Variants in CHD6 observed in about 807,000 individuals in gnomAD.
CHD6 encodes the protein ATP-dependent chromatin remodeler CHD6.
In CHD6, 50 loss-of-function variants were observed where a neutral mutation model predicts 276.9. That is an observed-to-expected ratio of 0.18 (90% CI 0.14 to 0.23). The LOEUF (loss-of-function observed/expected upper bound fraction) is 0.23, where lower values mean the gene tolerates loss of function less well. Ranked by LOEUF, CHD6 falls within the 10% of genes least tolerant of loss-of-function variation. CHD6 has a pLI of 1.00. For synonymous variants in CHD6, 1,173 were observed against 1,229.3 expected, an observed-to-expected ratio of 0.95 and a Z score of 0.96; for missense variants, 2,564 against 3,365.8, an observed-to-expected ratio of 0.76 and a Z score of 5.89.
intron 1 of CHD6, among the ~76,000 whole-genome samples, chr20:41,610,801 T>G (rs1336676818): frequency 6.8e-6 from 1 of 146,392 alleles, no homozygotes; most frequent in East Asian, 1.9e-4. Flanking sequence ...ATAAATAAAG[T>G]TAATTGATAG....
Position 41,541,896 on chromosome 20 carries a change from G to A in CHD6, c.34-8326C>T, listed in dbSNP as rs1200288994. ...CGGGGACAGGAGATACTTTTATGAT[G>A]TTTCAAGAGTCTTAGAAATTTGAAA... On this transcript the variant is annotated intron_variant, in intron 2 of 36. Transcript: ENST00000373233. Among the ~76,000 whole-genome samples the A allele has an allele frequency of 3.3e-5, 5 of 152,146 alleles. No individual in the cohort carries two copies. The East Asian group carries it at 7.7e-4, about 23-fold the overall frequency.
Position 41,556,122 on chromosome 20 carries a change from C to T in CHD6, c.-23-4762G>A, listed in dbSNP as rs1229907611. Among the ~76,000 whole-genome samples, 6 of 152,272 alleles carry T rather than the reference C, an allele frequency of 3.9e-5. No homozygotes were observed. In the South Asian group the frequency reaches 6.2e-4, roughly 16 times the overall value. On this transcript the variant is annotated intron_variant, in intron 1 of 36. Transcript: ENST00000373233. Reference sequence around the variant, plus strand: ...CGAAAACCAGTCAGGCGTGGCGGCGCGCACCTGCAATCGCAGGCACTCGGC... The same window carrying T: ...CGAAAACCAGTCAGGCGTGGCGGCGTGCACCTGCAATCGCAGGCACTCGGC...
At chr20:41,538,676 C>T (rs539094188) in intron 2 of CHD6, among the ~76,000 whole-genome samples, 2 of 152,268 alleles carry the variant, frequency 1.3e-5, no homozygotes, top group South Asian at 4.1e-4. Context: ...CTAGGACATA[C>T]CAAAATTGGT....
intron 16 of CHD6, among the ~76,000 whole-genome samples, chr20:41,481,845 T>G (rs1163632757): frequency 1.3e-5 from 2 of 151,746 alleles, no homozygotes; most frequent in Non-Finnish European, 2.9e-5. Context: ...TCATAATATA[T>G]TAAATAAAAA....
At chr20:41,552,151 C>G (rs953371495) in intron 1 of CHD6, among the ~76,000 whole-genome samples, 1 of 152,204 alleles carries the variant, frequency 6.6e-6, no homozygotes, top group Non-Finnish European at 1.5e-5. Context: ...GTACTACTGC[C>G]TCAGATCTGA....
chr20:41,541,133 G>A (rs2044934057), intron 2 of CHD6, among the ~76,000 whole-genome samples: 1 of 152,010 alleles, frequency 6.6e-6, no homozygotes, highest in Admixed American at 6.6e-5. Context: ...TAGCAAGACT[G>A]ACCAGAGTGG....
rs570387442 is a variant in CHD6, at chr20:41,453,230, C to A, written c.3121-288G>T. Among the ~76,000 whole-genome samples the A allele has an allele frequency of 1.1e-4, 17 of 152,260 alleles. No individual in the cohort carries two copies. The East Asian group carries it at 1.5e-3, about 14-fold the overall frequency. On this transcript the variant is annotated intron_variant, in intron 20 of 36. Transcript: ENST00000373233. ...GGGGTGTGGGCAGGCAAGGCCCCCC[C>A]CCAGTGACCAAAGTGGTGTCGGCTC...
At position 41,463,082 on chromosome 20, in the gene CHD6, G is replaced by A. The variant is rs181878113; in HGVS notation, c.2665-5654C>T. The stretch of plus-strand genomic sequence containing the variant: ...CATATGAGAATAACACTTAAAGCTC[G>A]AAGAGACTCCCACTGGCTAAGTCTA... On this transcript the variant is annotated intron_variant, in intron 17 of 36. Transcript: ENST00000373233. Among the ~76,000 whole-genome samples the A allele has an allele frequency of 1.0e-3, 152 of 152,258 alleles. No homozygotes were observed. The Middle Eastern group carries it at 0.014, about 14-fold the overall frequency.
rs1478187175 is a variant in CHD6, at chr20:41,403,022, CTTT to C, written c.*1568_*1570del. 1 of 211,814 alleles carries C rather than the reference CTTT, an allele frequency of 4.7e-6. No homozygotes were observed. 13.1% of individuals were successfully genotyped at this position (211,814 alleles called of 1,614,324 possible). On this transcript the variant is annotated 3_prime_UTR_variant, in exon 37 of 37. Coordinates refer to ENST00000373233, the MANE Select transcript of CHD6 (RefSeq NM_032221.5). ...TTTTCAGTCATGATTTAACAGACTT[CTTT>C]GAGATGCTCATTTTAACATTTACAT...
At chr20:41,497,109 G>A (rs1434234365) in intron 8 of CHD6, 3 of 352,254 alleles carry the variant, frequency 8.5e-6, no homozygotes, top group Non-Finnish European at 1.6e-5. Context: ...AAAGAATTGT[G>A]TGCGTATTCC....
Position 41,447,986 on chromosome 20 carries a change from C to T in CHD6, c.3684-15G>A. The T allele has an allele frequency of 1.3e-6, 2 of 1,517,290 alleles. No individual in the cohort carries two copies. The highest frequency in any genetic ancestry group is 1.8e-6 in the Non-Finnish European group (2 of 1,101,044). The allele number at this position is 1,517,290 out of a possible 1,614,324, so 94.0% of individuals were successfully genotyped here. A position where few individuals can be genotyped will look rare whatever the true frequency, so the allele number is the denominator to read the frequency against. ...GCAAAAGTACTCTATGAAAGGTGAA[C>T]ACATTAATGCAAACAAATTAGAACC... On this transcript the variant is annotated splice_polypyrimidine_tract_variant and intron_variant, in intron 23 of 36. Coordinates refer to ENST00000373233, the MANE Select transcript of CHD6 (RefSeq NM_032221.5).
At chr20:41,524,726 C>T (rs1007177332) in intron 3 of CHD6, among the ~76,000 whole-genome samples, 1 of 152,308 alleles carries the variant, frequency 6.6e-6, no homozygotes, top group East Asian at 1.9e-4. Flanking sequence ...ATTCAGATCT[C>T]ATATACCTCC....
chr20:41,598,084 T>C (rs2045737051), intron 1 of CHD6, among the ~76,000 whole-genome samples: 1 of 152,156 alleles, frequency 6.6e-6, no homozygotes, highest in Non-Finnish European at 1.5e-5. Flanking sequence ...ACTATACAAT[T>C]GTTTCACTAA....
rs2048284356 is a variant in CHD6, at chr20:41,452,997, C to T, written c.3121-55G>A. 1 of 1,395,004 alleles carries T rather than the reference C, an allele frequency of 7.2e-7. No individual in the cohort carries two copies. The highest frequency in any genetic ancestry group is 1.7e-5 in the Admixed American group (1 of 58,386). 86.4% of individuals were successfully genotyped at this position (1,395,004 alleles called of 1,614,324 possible). A position where few individuals can be genotyped will look rare whatever the true frequency, so the allele number is the denominator to read the frequency against. ...AGTCCTCTTTTCTCTACTCCTTTCA[C>T]AAAGCATAAGTGTATCCTCAGGACA... On this transcript the variant is annotated intron_variant, in intron 20 of 36. Coordinates refer to ENST00000373233, the MANE Select transcript of CHD6 (RefSeq NM_032221.5). The surrounding 1 kb of genome is among the most constrained non-coding windows in gnomAD (Gnocchi z 4.2).
chr20:41,591,227 G>A (rs1158586596), intron 1 of CHD6, among the ~76,000 whole-genome samples: 2 of 111,278 alleles, frequency 1.8e-5, no homozygotes, highest in African/African-American at 6.8e-5. Flanking sequence ...GGGGGGAGGG[G>A]GGAGGGATAG....
chr20:41,556,182 A>G (rs2045232571), intron 1 of CHD6, among the ~76,000 whole-genome samples: 1 of 152,142 alleles, frequency 6.6e-6, no homozygotes, highest in African/African-American at 2.4e-5. Flanking sequence ...GGGAGGTTGC[A>G]GTGAGCCGAG....
intron 26 of CHD6, among the ~76,000 whole-genome samples, chr20:41,438,529 G>A (rs574465453): frequency 6.6e-6 from 1 of 152,184 alleles, no homozygotes; most frequent in Non-Finnish European, 1.5e-5. Context: ...GGTGGAGGCT[G>A]CAATGAGCCG....
intron 17 of CHD6, among the ~76,000 whole-genome samples, chr20:41,467,974 G>C (rs2042966272): frequency 6.6e-6 from 1 of 152,016 alleles, no homozygotes; most frequent in Non-Finnish European, 1.5e-5. Flanking sequence ...CATACTCTTT[G>C]TTTTGTCTGG....
In CHD6 at chr20:41,513,410, T is replaced by A. The variant is rs150587403; in HGVS notation, c.703-415A>T. Among the ~76,000 whole-genome samples, 976 of 152,340 alleles carry A rather than the reference T, an allele frequency of 6.4e-3. 11 individuals are homozygous for A. Among genetic ancestry groups the A allele is most frequent in the Middle Eastern group, 0.024 (7 of 294 alleles). ...CAGATTTTATGACATGATGACAGTTTTATTGTTTTTGCTTAAATTCACCAT... is the reference window on the plus strand; with the variant it reads ...CAGATTTTATGACATGATGACAGTTATATTGTTTTTGCTTAAATTCACCAT... On this transcript the variant is annotated intron_variant, in intron 4 of 36. Transcript: ENST00000373233.
Sources: allele counts gnomAD v4.1 joint callset (sites outside exome capture counted in the v4.1 genomes callset), GRCh38; gene constraint gnomAD v4.1.1; non-coding constraint Gnocchi (gnomAD v3.1); transcripts MANE v1.5; gene names NCBI Gene and HGNC (gene_info 2026-07-23, HGNC 2026-07-21).